CLPB: variants seen among roughly 807,000 people sequenced by gnomAD.
CLPB encodes the protein mitochondrial disaggregase.
Under a neutral mutation model 78.4 loss-of-function variants are expected in CLPB, and 40 were observed. The ratio of observed to expected loss-of-function variants is 0.51; its 90% confidence interval spans 0.40 to 0.66. The LOEUF is 0.66. CLPB is among the 30% of genes least tolerant of loss of function. The pLI is 0.00. For missense variants in CLPB, 780 were observed against 886.9 expected (o/e 0.88, Z 1.53); for synonymous variants, 333 against 348.0 (o/e 0.96, Z 0.48).
intron 5 of CLPB, 67 bp downstream of exon 5, chr11:72,358,813 T>G: frequency 5.6e-5 from 1 of 17,730 alleles, no homozygotes. Context: ...CCACCCCTCC[T>G]CCACCCCCCC....
chr11:72,317,676 G>A lies in CLPB; in HGVS notation c.874-456C>T, dbSNP rs115453631. Among the ~76,000 whole-genome samples the A allele has an allele frequency of 4.8e-3, 724 of 152,270 alleles. 3 individuals are homozygous for A. The highest frequency in any genetic ancestry group is 0.016 in the African/African-American group (677 of 41,556). ...TCCTTTCTCTTTCCTCTTGAAAAAC[G>A]TTTTGCTCAAAAGAGAGCTATGAAC... On this transcript the variant is annotated intron_variant, in intron 6 of 15. Coordinates refer to ENST00000538039, the MANE Select transcript of CLPB (RefSeq NM_001258392.3).
chr11:72,410,330 T>C (rs1305444281), intron 2 of CLPB, among the ~76,000 whole-genome samples: 1 of 152,178 alleles, frequency 6.6e-6, no homozygotes, highest in Admixed American at 6.5e-5. Context: ...ACTGCTTCCT[T>C]CATTTACATG....
intron 3 of CLPB, among the ~76,000 whole-genome samples, chr11:72,390,428 A>G (rs1855217983): frequency 1.3e-5 from 2 of 149,726 alleles, no homozygotes; most frequent in Admixed American, 1.3e-4. Context: ...ACAGAGTGAG[A>G]CTGTCTCAAA....
chr11:72,411,095 G>A (rs1855863935), intron 2 of CLPB, among the ~76,000 whole-genome samples: 1 of 152,214 alleles, frequency 6.6e-6, no homozygotes, highest in Non-Finnish European at 1.5e-5. Flanking sequence ...AGGCAAGCAT[G>A]TCCTTCTAGA....
intron 5 of CLPB, among the ~76,000 whole-genome samples, chr11:72,351,892 C>T (rs1950620382): frequency 6.6e-6 from 1 of 152,006 alleles, no homozygotes; most frequent in Admixed American, 6.6e-5. Context: ...TTTTTTAAAA[C>T]CTGTTTCAAG....
chr11:72,393,022 G>A (rs1240051202), intron 3 of CLPB, among the ~76,000 whole-genome samples: 2 of 152,202 alleles, frequency 1.3e-5, no homozygotes, highest in East Asian at 3.8e-4. Flanking sequence ...ATAGACAAGG[G>A]TAAAAATCAG....
chr11:72,431,166 T>C (rs957364267), intron 1 of CLPB, among the ~76,000 whole-genome samples: 10 of 152,192 alleles, frequency 6.6e-5, no homozygotes, highest in African/African-American at 2.2e-4. Flanking sequence ...TGCCACCACC[T>C]TGTGGCCATA....
intron 1 of CLPB, among the ~76,000 whole-genome samples, chr11:72,432,626 A>C (rs902507856): frequency 6.6e-6 from 1 of 152,236 alleles, no homozygotes; most frequent in East Asian, 1.9e-4. Flanking sequence ...GGGTACCCCC[A>C]AAAATGCTGG....
rs1048989041 is a variant in CLPB, at chr11:72,428,220, C to A, written c.455+2092G>T. On this transcript the variant is annotated intron_variant, in intron 2 of 15. Coordinates refer to ENST00000538039, the MANE Select transcript of CLPB (RefSeq NM_001258392.3). ...AGGGGGAGGGAAGGATGTCCTCATTCAGGCCCTCATCATCTTGAATCTGTC... is the reference window on the plus strand; with the variant it reads ...AGGGGGAGGGAAGGATGTCCTCATTAAGGCCCTCATCATCTTGAATCTGTC... Among the ~76,000 whole-genome samples the A allele has an allele frequency of 4.9e-4, 74 of 152,188 alleles. 2 individuals are homozygous for A. The highest frequency in any genetic ancestry group is 1.5e-5 in the Non-Finnish European group (1 of 68,026).
At chr11:72,393,881 T>G (rs1048518497) in intron 3 of CLPB, among the ~76,000 whole-genome samples, 1 of 152,218 alleles carries the variant, frequency 6.6e-6, no homozygotes, top group South Asian at 2.1e-4. Flanking sequence ...CACTGAGGTT[T>G]TATTTAATGT....
chr11:72,344,131 C>T (rs1950469201), intron 5 of CLPB, among the ~76,000 whole-genome samples: 2 of 152,288 alleles, frequency 1.3e-5, no homozygotes, highest in African/African-American at 2.4e-5. Context: ...ATCCAGCAAC[C>T]TCTTTTTCCT....
At chr11:72,335,738 G>A (rs1227647605) in intron 5 of CLPB, among the ~76,000 whole-genome samples, 1 of 152,192 alleles carries the variant, frequency 6.6e-6, no homozygotes, top group Non-Finnish European at 1.5e-5. Context: ...CACTGTGTTT[G>A]ATACACTGCT....
At chr11:72,294,815 A>G (rs1322636087) in intron 12 of CLPB, 122 bp from the exon 13 acceptor site, 14 of 832,098 alleles carry the variant, frequency 1.7e-5, no homozygotes, top group Non-Finnish European at 2.6e-5. Context: ...GTCCTGGTCA[A>G]GGTCTAAGGC....
rs1017835978 is a variant in CLPB, at chr11:72,425,700, C to T, written c.455+4612G>A. Among the ~76,000 whole-genome samples the T allele has an allele frequency of 6.6e-5, 10 of 152,318 alleles. No homozygotes were observed. The East Asian group carries it at 1.9e-3, about 29-fold the overall frequency. ...GTCTCCAGTCCCTCCTGGCCTCAGA[C>T]TGTGATCCAGCAACACCGAACAGCA... On this transcript the variant is annotated intron_variant, in intron 2 of 15. Coordinates refer to ENST00000538039, the MANE Select transcript of CLPB (RefSeq NM_001258392.3).
chr11:72,314,843 C>CTT (rs1949912876), intron 7 of CLPB, among the ~76,000 whole-genome samples: 1 of 152,012 alleles, frequency 6.6e-6, no homozygotes, highest in Non-Finnish European at 1.5e-5. Context: ...CAGAGGCAGG[C>CTT]CATTGTGGCT....
intron 5 of CLPB, among the ~76,000 whole-genome samples, chr11:72,345,828 ACT>A (rs1219316406): frequency 6.6e-6 from 1 of 152,158 alleles, no homozygotes; most frequent in Middle Eastern, 3.2e-3. Context: ...TTGACTATAT[ACT>A]CTCAGCCTTG....
intron 4 of CLPB, among the ~76,000 whole-genome samples, chr11:72,378,235 C>G (rs1419168945): frequency 6.6e-6 from 1 of 152,226 alleles, no homozygotes; most frequent in Non-Finnish European, 1.5e-5. Context: ...CCTGCCCTCT[C>G]AACAAATGCT....
At chr11:72,362,765 A>G (rs751498265) in intron 4 of CLPB, among the ~76,000 whole-genome samples, 8 of 152,206 alleles carry the variant, frequency 5.3e-5, no homozygotes, top group Admixed American at 1.3e-4. Flanking sequence ...GTTAGTCATT[A>G]TCTCATCATG....
intron 5 of CLPB, among the ~76,000 whole-genome samples, chr11:72,349,998 A>G (rs1037958494): frequency 1.3e-5 from 2 of 152,224 alleles, no homozygotes; most frequent in African/African-American, 4.8e-5. Flanking sequence ...CCTTGATGAA[A>G]TGCGGGGGCC....
Sources: allele counts gnomAD v4.1 joint callset (sites outside exome capture counted in the v4.1 genomes callset), GRCh38; gene constraint gnomAD v4.1.1; transcripts MANE v1.5; gene names NCBI Gene and HGNC (gene_info 2026-07-23, HGNC 2026-07-21).